The following JAM3 variants were observed in gnomAD, a reference collection of about 807,000 sequenced individuals.
The protein encoded by JAM3 is junctional adhesion molecule C.
JAM3 carries 31 observed loss-of-function variants against 39.4 expected under a neutral mutation model. The observed-to-expected ratio is 0.79, with a 90% CI of 0.59 to 1.06. The LOEUF (loss-of-function observed/expected upper bound fraction) is 1.06, where lower values mean the gene tolerates loss of function less well. JAM3 is among the 50% of genes least tolerant of loss of function. JAM3 has a pLI of 0.00. For synonymous variants in JAM3, 182 were observed against 148.7 expected (o/e 1.22, Z -1.63); for missense variants, 455 against 391.4 (o/e 1.16, Z -1.37).
chr11:134,134,027 C>G (rs903807455), intron 1 of JAM3, among the ~76,000 whole-genome samples: 1 of 151,778 alleles, frequency 6.6e-6, no homozygotes, highest in African/African-American at 2.4e-5. Context: ...AGATAACATG[C>G]AAGAACAGAT....
chr11:134,095,893 GCAAA>G (rs966202300), intron 1 of JAM3, among the ~76,000 whole-genome samples: 11 of 152,154 alleles, frequency 7.2e-5, no homozygotes, highest in African/African-American at 2.7e-4. Context: ...TCCTTGACTT[GCAAA>G]CACTCAGTGG....
intron 1 of JAM3, among the ~76,000 whole-genome samples, chr11:134,107,507 A>G (rs1419123301): frequency 1.3e-5 from 2 of 152,174 alleles, no homozygotes; most frequent in Non-Finnish European, 2.9e-5. Context: ...GTCAAAAAAA[A>G]GTGTTTTGAA....
chr11:134,071,127 TA>T (rs1411725315), intron 1 of JAM3, among the ~76,000 whole-genome samples: 1 of 152,240 alleles, frequency 6.6e-6, no homozygotes, highest in Non-Finnish European at 1.5e-5. Flanking sequence ...ATTTTCATCT[TA>T]AAAATTTTGG....
intron 1 of JAM3, among the ~76,000 whole-genome samples, chr11:134,081,204 T>C (rs541404278): frequency 6.6e-6 from 1 of 152,268 alleles, no homozygotes; most frequent in East Asian, 1.9e-4. Context: ...AGCTGGACAA[T>C]GTGATATTAA....
Position 134,111,133 on chromosome 11 carries a change from C to CTTTTTTTTTTTTTTTTTTTTTT in JAM3, c.77-28711_77-28690dup, listed in dbSNP as rs71038561. On this transcript the variant is annotated intron_variant, in intron 1 of 8. Coordinates refer to ENST00000299106, the MANE Select transcript of JAM3 (RefSeq NM_032801.5). ...TGTACCATACCCAACACACATCCAT[C>CTTTTTTTTTTTTTTTTTTTTTT]TTTTTTTTTTTTTTTTTTTTTTTTT... Among the ~76,000 whole-genome samples, 4 of 86,776 alleles carry CTTTTTTTTTTTTTTTTTTTTTT rather than the reference C, an allele frequency of 4.6e-5. 1 individual carries two copies. The highest frequency in any genetic ancestry group is 2.2e-4 in the African/African-American group (4 of 18,144). The allele number at this position is 86,776 out of a possible 152,430, so 56.9% of individuals were successfully genotyped here. A position where few individuals can be genotyped will look rare whatever the true frequency, so the allele number is the denominator to read the frequency against.
At chr11:134,149,112 C>T (rs746458225) in intron 8 of JAM3, 34 bp from the exon 9 acceptor site, 206 of 1,613,572 alleles carry the variant, frequency 1.3e-4, no homozygotes, top group Middle Eastern at 4.9e-4. Flanking sequence ...CCACCAGGCC[C>T]CTTGATGGCT....
At chr11:134,108,728 G>C (rs79712700) in intron 1 of JAM3, among the ~76,000 whole-genome samples, 4,333 of 152,134 alleles carry the variant, frequency 0.028, 219 homozygotes, top group African/African-American at 0.098. Flanking sequence ...AAAAGCACTT[G>C]ACAAAATTCA....
At chr11:134,106,561 C>A (rs922457777) in intron 1 of JAM3, among the ~76,000 whole-genome samples, 1 of 152,126 alleles carries the variant, frequency 6.6e-6, no homozygotes, top group Non-Finnish European at 1.5e-5. Flanking sequence ...AGGCAACCTA[C>A]AGAATGGGAG....
At chr11:134,079,247 T>C (rs1270939192) in intron 1 of JAM3, among the ~76,000 whole-genome samples, 1 of 152,184 alleles carries the variant, frequency 6.6e-6, no homozygotes, top group South Asian at 2.1e-4. Context: ...AAAGCAAACA[T>C]CTATCATTAA....
chr11:134,079,451 C>T (rs1941628367), intron 1 of JAM3, among the ~76,000 whole-genome samples: 1 of 152,132 alleles, frequency 6.6e-6, no homozygotes, highest in Admixed American at 6.5e-5. Flanking sequence ...AAGGTGCCGT[C>T]TGATGTAATG....
intron 1 of JAM3, among the ~76,000 whole-genome samples, chr11:134,097,990 T>TA (rs1409109084): frequency 1.3e-5 from 2 of 152,158 alleles, no homozygotes; most frequent in Admixed American, 1.3e-4. Flanking sequence ...TCTAATCATT[T>TA]TCAGTCAGTG....
intron 1 of JAM3, among the ~76,000 whole-genome samples, chr11:134,088,318 C>T (rs1330023980): frequency 2.0e-5 from 3 of 152,176 alleles, no homozygotes; most frequent in African/African-American, 7.2e-5. Flanking sequence ...TTACCACCCC[C>T]GAAGCTCTTA....
intron 1 of JAM3, chr11:134,126,446 TG>T (rs1328562756): frequency 6.6e-6 from 1 of 152,308 alleles, no homozygotes; most frequent in African/African-American, 2.4e-5. Flanking sequence ...CTTTGTCATC[TG>T]TTGCTGAGAG....
At chr11:134,107,816 T>C (rs180964697) in intron 1 of JAM3, among the ~76,000 whole-genome samples, 9 of 152,056 alleles carry the variant, frequency 5.9e-5, no homozygotes, top group East Asian at 1.9e-4. Context: ...TGAGCTAATA[T>C]TACGCCACGG....
chr11:134,143,011 G>A (rs1266777120), intron 3 of JAM3, among the ~76,000 whole-genome samples: 1 of 152,146 alleles, frequency 6.6e-6, no homozygotes, highest in Non-Finnish European at 1.5e-5. Flanking sequence ...GGACATTTGG[G>A]TTGTTTCCAC....
intron 1 of JAM3, among the ~76,000 whole-genome samples, chr11:134,073,875 C>T (rs1157086743): frequency 2.6e-5 from 4 of 152,000 alleles, no homozygotes; most frequent in Admixed American, 6.6e-5. Flanking sequence ...CTCTTTGTGT[C>T]GAGGCATTTT....
chr11:134,140,204 AGTGT>A (rs1942949106), intron 2 of JAM3, among the ~76,000 whole-genome samples: 6 of 151,940 alleles, frequency 3.9e-5, no homozygotes, highest in African/African-American at 1.5e-4. Context: ...CCCAGGCTGG[AGTGT>A]AGTGGCGCAA....
At chr11:134,143,786 T>TA (rs1943018204) in intron 3 of JAM3, among the ~76,000 whole-genome samples, 2 of 152,374 alleles carry the variant, frequency 1.3e-5, no homozygotes, top group Middle Eastern at 3.4e-3. Flanking sequence ...TGCATTTTTC[T>TA]AAGAGTTTTA....
At chr11:134,143,219 T>A (rs1943006890) in intron 3 of JAM3, among the ~76,000 whole-genome samples, 1 of 152,190 alleles carries the variant, frequency 6.6e-6, no homozygotes, top group South Asian at 2.1e-4. Flanking sequence ...ACCAGCAGTG[T>A]ATTTTCCCAC....
Sources: gnomAD v4.1 joint callset for allele counts (sites outside exome capture counted in the v4.1 genomes callset) on GRCh38, gnomAD v4.1.1 for gene constraint, MANE v1.5 for transcripts, NCBI Gene and HGNC (gene_info 2026-07-23, HGNC 2026-07-21) for gene names.